Variants in PARD3B observed in about 807,000 individuals in gnomAD.
The protein encoded by PARD3B is partitioning defective 3 homolog B.
PARD3B carries 103 observed loss-of-function variants against 130.2 expected under a neutral mutation model. That is an observed-to-expected ratio of 0.79 (90% CI 0.67 to 0.93). The LOEUF (loss-of-function observed/expected upper bound fraction) is 0.93. Ranked by LOEUF, PARD3B falls within the 40% of genes least tolerant of loss-of-function variation. The pLI is 0.00. For missense variants in PARD3B, 1,609 were observed against 1,499.2 expected, an observed-to-expected ratio of 1.07 and a Z score of -1.21; for synonymous variants, 583 against 553.2, an observed-to-expected ratio of 1.05 and a Z score of -0.76.
chr2:205,542,167 AAAAAAAGT>A (rs2052174454), intron 21 of PARD3B, among the ~76,000 whole-genome samples: 1 of 150,472 alleles, frequency 6.6e-6, no homozygotes, highest in African/African-American at 2.5e-5. Flanking sequence ...AAAAAAAAAA[AAAAAAAGT>A]ATATGTTTGG....
intron 16 of PARD3B, among the ~76,000 whole-genome samples, chr2:205,259,027 C>T (rs2040201189): frequency 1.3e-5 from 2 of 152,140 alleles, no homozygotes; most frequent in African/African-American, 2.4e-5. Flanking sequence ...ATCCTTCTCC[C>T]AAACAATACA....
In PARD3B at chr2:204,562,745, T is replaced by C. The variant is rs142809713; in HGVS notation, c.120+16626T>C. 6.2e-3 allele frequency among the ~76,000 whole-genome samples: 941 copies of C among 152,302 alleles called. 9 individuals are homozygous for C. The highest frequency in any genetic ancestry group is 0.021 in the African/African-American group (880 of 41,548). On this transcript the variant is annotated intron_variant, in intron 1 of 22. Transcript: ENST00000406610. ...ACACATTTATAGAGATTCAGTGGGCTTGAGTTTTGACAGCAGTGTTTGATC... is the reference window on the plus strand; with the variant it reads ...ACACATTTATAGAGATTCAGTGGGCCTGAGTTTTGACAGCAGTGTTTGATC...
intron 10 of PARD3B, among the ~76,000 whole-genome samples, chr2:205,152,657 A>C (rs894961956): frequency 6.6e-6 from 1 of 152,130 alleles, no homozygotes; most frequent in African/African-American, 2.4e-5. Context: ...CCATTCGTCT[A>C]ATCTTTTTTC....
Position 205,118,980 on chromosome 2 carries a change from T to A in PARD3B, c.740T>A (p.Leu247Gln). The A allele has an allele frequency of 6.2e-7, 1 of 1,612,966 alleles. No individual in the cohort carries two copies. The highest frequency in any genetic ancestry group is 8.5e-7 in the Non-Finnish European group (1 of 1,179,516). Reference sequence around the variant, plus strand: ...AACAGCAGGTCCAAGCGGGAGGGACTATTTCACGAAAATGAATGTATTGTA... The same window carrying A: ...AACAGCAGGTCCAAGCGGGAGGGACAATTTCACGAAAATGAATGTATTGTA... ...EDNSRSKREG[L>Q]FHENECIVKI... Residue 247 changes from leucine (L) to glutamine (Q), a missense_variant, in exon 7 of 23, where the codon CTA (leucine) becomes CAA (glutamine). Leu to Gln is a moderately radical substitution (Grantham distance 113). Transcript: ENST00000406610.
chr2:204,885,071 T>C (rs930407992), intron 2 of PARD3B, among the ~76,000 whole-genome samples: 1 of 152,226 alleles, frequency 6.6e-6, no homozygotes, highest in Non-Finnish European at 1.5e-5. Flanking sequence ...TCCACAATGG[T>C]TGAACTAATT....
chr2:205,503,314 G>C (rs2050227358), intron 21 of PARD3B, among the ~76,000 whole-genome samples: 1 of 152,196 alleles, frequency 6.6e-6, no homozygotes, highest in East Asian at 1.9e-4. Flanking sequence ...TTCTGCTGGA[G>C]GTGCATAGTT....
chr2:205,582,290 G>T (rs936249882), intron 22 of PARD3B, among the ~76,000 whole-genome samples: 2 of 152,132 alleles, frequency 1.3e-5, no homozygotes, highest in Admixed American at 1.3e-4. Flanking sequence ...AATTCCTATC[G>T]TCTTGCCTTT....
intron 19 of PARD3B, among the ~76,000 whole-genome samples, chr2:205,415,966 G>T (rs1410441823): frequency 1.3e-5 from 2 of 152,098 alleles, no homozygotes; most frequent in Non-Finnish European, 2.9e-5. Context: ...ATGCAACTAT[G>T]TAGACATGTT....
At chr2:205,413,982 G>A (rs2046688254) in intron 19 of PARD3B, among the ~76,000 whole-genome samples, 1 of 152,172 alleles carries the variant, frequency 6.6e-6, no homozygotes. Context: ...GAGACACACT[G>A]TCCTTGGCTT....
At chr2:205,453,646 G>A (rs1457942075) in intron 20 of PARD3B, among the ~76,000 whole-genome samples, 2 of 152,240 alleles carry the variant, frequency 1.3e-5, no homozygotes, top group South Asian at 4.1e-4. Flanking sequence ...ACTCATGCAT[G>A]AGCTTCCAGC....
In PARD3B at chr2:204,965,170, G is replaced by C; in HGVS notation, c.241G>C (p.Glu81Gln). The C allele has an allele frequency of 6.2e-7, 1 of 1,613,452 alleles. No individual in the cohort carries two copies. The highest frequency in any genetic ancestry group is 1.1e-5 in the South Asian group (1 of 91,036). The change falls in exon 3 of 23, where the codon GAA becomes CAA. Residue 81 changes from glutamate (E) to glutamine (Q), a missense_variant. By Grantham distance (29) the Glu-to-Gln change is conservative (BLOSUM62 2). Coordinates refer to ENST00000406610, the MANE Select transcript of PARD3B (RefSeq NM_001302769.2). ...DKDKLIAVFE[E>Q]QEPLHKIESP... ...TTTGTAGCTGATTGCTGTGTTTGAA[G>C]AACAAGAACCACTCCACAAGATTGA... is the stretch of plus-strand genomic sequence containing the variant.
intron 10 of PARD3B, among the ~76,000 whole-genome samples, chr2:205,127,943 C>A (rs1271852489): frequency 1.3e-5 from 2 of 152,106 alleles, no homozygotes; most frequent in Non-Finnish European, 2.9e-5. Flanking sequence ...TATCCAAAGA[C>A]CTTGGTCTTT....
chr2:205,563,164 C>T lies in PARD3B; in HGVS notation c.3260+9761C>T, dbSNP rs79225767. On this transcript the variant is annotated intron_variant, in intron 22 of 22. Transcript: ENST00000406610. The surrounding 1 kb of genome is among the most constrained non-coding windows in gnomAD (Gnocchi z 4.2). Reference sequence around the variant, plus strand: ...AGTCTTATTTTCCATTTTTATATACCAAGATCTGCATGCAAATTGTTTCAA... The same window carrying T: ...AGTCTTATTTTCCATTTTTATATACTAAGATCTGCATGCAAATTGTTTCAA... Among the ~76,000 whole-genome samples the T allele has an allele frequency of 6.6e-6, 1 of 152,152 alleles. No homozygotes were observed. Among genetic ancestry groups the T allele is most frequent in the East Asian group, 1.9e-4 (1 of 5,190 alleles).
rs1008194131 is a variant in PARD3B at position 205,263,888 on chromosome 2, G to A, written c.2185+18066G>A. 5.3e-5 allele frequency among the ~76,000 whole-genome samples: 8 copies of A among 151,150 alleles called. No homozygotes were observed. Among genetic ancestry groups the A allele is most frequent in the African/African-American group, 1.9e-4 (8 of 41,142 alleles). Reference sequence around the variant, plus strand: ...TGCCAAAATTTAAGGATAAGCAAAGGCACAAGTAGACTATTTACTAGGTTA... The same window carrying A: ...TGCCAAAATTTAAGGATAAGCAAAGACACAAGTAGACTATTTACTAGGTTA... On this transcript the variant is annotated intron_variant, in intron 16 of 22. Coordinates refer to ENST00000406610, the MANE Select transcript of PARD3B (RefSeq NM_001302769.2). This position sits in a 1 kb window ranked among gnomAD's most constrained non-coding sequence, Gnocchi z 4.0.
At chr2:204,858,983 AT>A (rs1364841956) in intron 2 of PARD3B, among the ~76,000 whole-genome samples, 1 of 151,748 alleles carries the variant, frequency 6.6e-6, no homozygotes, top group African/African-American at 2.4e-5. Context: ...TTGTCTAAGT[AT>A]TTGAGGAAAA....
intron 22 of PARD3B, among the ~76,000 whole-genome samples, chr2:205,605,867 A>G (rs1052378589): frequency 9.2e-5 from 14 of 152,204 alleles, no homozygotes; most frequent in Non-Finnish European, 1.5e-4. Flanking sequence ...CTGCTGATCC[A>G]TGGAGATCAC....
At chr2:204,953,435 AGAGAGAG>A (rs1689970649) in intron 2 of PARD3B, among the ~76,000 whole-genome samples, 1 of 142,492 alleles carries the variant, frequency 7.0e-6, no homozygotes, top group Admixed American at 6.9e-5. Context: ...AGAGAGAGAG[AGAGAGAG>A]AGAGAGAGAG....
At chr2:205,465,417 G>GA (rs766250004) in intron 20 of PARD3B, among the ~76,000 whole-genome samples, 4 of 152,146 alleles carry the variant, frequency 2.6e-5, no homozygotes, top group African/African-American at 4.8e-5. Context: ...AAAGAGCCTA[G>GA]ACGTTTAACC....
At chr2:205,211,045 TTAAC>T (rs1263413823) in intron 15 of PARD3B, among the ~76,000 whole-genome samples, 5 of 152,118 alleles carry the variant, frequency 3.3e-5, no homozygotes, top group East Asian at 3.9e-4. Context: ...AGAAAAATGT[TTAAC>T]TAAACATGAG....
Sources: allele counts gnomAD v4.1 joint callset (sites outside exome capture counted in the v4.1 genomes callset), GRCh38; gene constraint gnomAD v4.1.1; non-coding constraint Gnocchi (gnomAD v3.1); transcripts MANE v1.5; gene names NCBI Gene and HGNC (gene_info 2026-07-23, HGNC 2026-07-21).